DEFB112: variants seen among roughly 807,000 people sequenced by gnomAD.
DEFB112 encodes beta-defensin 112.
DEFB112 carries 2 observed loss-of-function variants against 1.1 expected under a neutral mutation model. That is an observed-to-expected ratio of 1.85 (90% CI 0.76 to 5.83). DEFB112 has a LOEUF of 5.83. Among genes scored for constraint, DEFB112 ranks in the 30% most tolerant of loss-of-function variants. The probability of loss-of-function intolerance (pLI) is 0.05; values close to 1 mark genes in which losing one functional copy is unlikely to be tolerated. For missense variants in DEFB112, 120 were observed against 94.4 expected (o/e 1.27, Z -1.12); for synonymous variants, 40 against 31.2 (o/e 1.28, Z -0.93).
intron 1 of DEFB112, among the ~76,000 whole-genome samples, chr6:50,049,031 A>G (rs923597147): frequency 6.6e-6 from 1 of 152,142 alleles, no homozygotes; most frequent in African/African-American, 2.4e-5. Context: ...AATTCTAATG[A>G]GCACACTTTA....
intron 1 of DEFB112, among the ~76,000 whole-genome samples, chr6:50,046,021 A>C (rs553233447): frequency 6.6e-6 from 1 of 152,114 alleles, no homozygotes. Context: ...TATATTCAAT[A>C]ATTTATTATA....
intron 1 of DEFB112, among the ~76,000 whole-genome samples, chr6:50,045,379 T>C (rs533932400): frequency 2.1e-3 from 318 of 152,246 alleles, no homozygotes; most frequent in Non-Finnish European, 4.0e-3. Context: ...TGCCACATCA[T>C]AACCCCCTCC....
At position 50,048,143 on chromosome 6, in the gene DEFB112, G is replaced by A. The variant is rs139998515; in HGVS notation, c.58+1669C>T. On this transcript the variant is annotated intron_variant, in intron 1 of 1. Transcript: ENST00000651554. ...GCCTGGGCAACAAGAGTGAAACTCC[G>A]TCTCAAAAAAAAAAAAATAAATATG... 5.7e-3 allele frequency among the ~76,000 whole-genome samples: 834 copies of A among 146,616 alleles called. 4 individuals are homozygous for A. The highest frequency in any genetic ancestry group is 0.021 in the African/African-American group (779 of 37,738).
In DEFB112 at chr6:50,043,056, GA is replaced by G. The variant is rs570094060; in HGVS notation, c.*518del. Among the ~76,000 whole-genome samples the G allele has an allele frequency of 1.7e-3, 251 of 151,184 alleles. 1 individual carries two copies. Among genetic ancestry groups the G allele is most frequent in the African/African-American group, 5.9e-3 (242 of 41,246 alleles). Reference sequence around the variant, plus strand: ...ATTCTACCTTTTGAGATTATTCTTGGAAAAAAAATCAGTTATTTTTATTTTC... The same window carrying G: ...ATTCTACCTTTTGAGATTATTCTTGGAAAAAAATCAGTTATTTTTATTTTC... On this transcript the variant is annotated 3_prime_UTR_variant, in exon 2 of 2. Coordinates refer to ENST00000651554, the MANE Select transcript of DEFB112 (RefSeq NM_001369057.2).
chr6:50,049,472 T>A (rs1432619988), intron 1 of DEFB112, among the ~76,000 whole-genome samples: 1 of 152,106 alleles, frequency 6.6e-6, no homozygotes, highest in Non-Finnish European at 1.5e-5. Flanking sequence ...TTTTTTCTAA[T>A]CTATTAATAG....
At chr6:50,048,469 T>C in intron 1 of DEFB112, 1 of 1,341,188 alleles carries the variant, frequency 7.5e-7, no homozygotes, top group Non-Finnish European at 1.1e-6. Flanking sequence ...CTCAGAATAT[T>C]TACTTCATTT....
rs143474470 is a variant in DEFB112 at position 50,046,991 on chromosome 6, G to A, written c.58+2821C>T. On this transcript the variant is annotated intron_variant, in intron 1 of 1. Transcript: ENST00000651554. Reference sequence around the variant, plus strand: ...CCACAGGTCCTTCCCTGATGACTATGGCTGTGGAGCTCACCTTGTTCTTGG... The same window carrying A: ...CCACAGGTCCTTCCCTGATGACTATAGCTGTGGAGCTCACCTTGTTCTTGG... 6.9e-3 allele frequency among the ~76,000 whole-genome samples: 1,058 copies of A among 152,312 alleles called. 20 individuals are homozygous for A. The highest frequency in any genetic ancestry group is 0.023 in the African/African-American group (975 of 41,582).
In DEFB112 at chr6:50,042,244, T is replaced by C. The variant is rs572499112; in HGVS notation, c.*1331A>G. Among the ~76,000 whole-genome samples the C allele has an allele frequency of 9.9e-5, 15 of 152,138 alleles. No homozygotes were observed. The highest frequency in any genetic ancestry group is 3.4e-4 in the African/African-American group (14 of 41,542). ...ATCACAAGATGCAAATAGGGTTATT[T>C]AGCTCCAAATTGACACTGGTCAGAG... On this transcript the variant is annotated 3_prime_UTR_variant, in exon 2 of 2. Transcript: ENST00000651554.
chr6:50,045,317 G>A (rs571684923), intron 1 of DEFB112, among the ~76,000 whole-genome samples: 4 of 152,012 alleles, frequency 2.6e-5, no homozygotes, highest in South Asian at 4.2e-4. Flanking sequence ...ATAGCCATGA[G>A]ATTACTACCT....
At chr6:50,045,040 G>A (rs549735784) in intron 1 of DEFB112, among the ~76,000 whole-genome samples, 3 of 152,120 alleles carry the variant, frequency 2.0e-5, no homozygotes, top group East Asian at 3.9e-4. Flanking sequence ...TTGCAGTGAT[G>A]TGTACTCAGT....
chr6:50,047,475 C>T (rs771447356), intron 1 of DEFB112, among the ~76,000 whole-genome samples: 3 of 152,176 alleles, frequency 2.0e-5, no homozygotes, highest in Non-Finnish European at 2.9e-5. Context: ...ATCTTTCCTA[C>T]CCTCTTTAAT....
intron 1 of DEFB112, among the ~76,000 whole-genome samples, chr6:50,048,002 C>T (rs1037520003): frequency 3.3e-5 from 5 of 151,830 alleles, no homozygotes; most frequent in African/African-American, 1.2e-4. Flanking sequence ...AAAAAATTAG[C>T]GGGGCGTGGT....
intron 1 of DEFB112, among the ~76,000 whole-genome samples, chr6:50,049,066 T>G (rs987728573): frequency 6.6e-6 from 1 of 152,146 alleles, no homozygotes; most frequent in South Asian, 2.1e-4. Flanking sequence ...AGAAGAAAAA[T>G]TATTATCTGA....
At chr6:50,047,995 A>T (rs1269183778) in intron 1 of DEFB112, among the ~76,000 whole-genome samples, 3 of 151,854 alleles carry the variant, frequency 2.0e-5, no homozygotes, top group Admixed American at 2.0e-4. Flanking sequence ...AAAATACAAA[A>T]AATTAGCGGG....
intron 1 of DEFB112, among the ~76,000 whole-genome samples, chr6:50,045,445 T>C (rs1244357099): frequency 6.6e-6 from 1 of 152,146 alleles, no homozygotes; most frequent in Non-Finnish European, 1.5e-5. Flanking sequence ...CTTACTTTGC[T>C]TTATATTAAT....
intron 1 of DEFB112, among the ~76,000 whole-genome samples, chr6:50,047,385 C>T (rs1774852349): frequency 6.6e-6 from 1 of 152,198 alleles, no homozygotes; most frequent in South Asian, 2.1e-4. Flanking sequence ...ATTTCCCTCT[C>T]TTTCCTTCAC....
rs1774877268 is a variant in DEFB112, at chr6:50,048,633, T to C, written c.58+1179A>G. ...ATTTTTTCAAGTTTCAGTCTACATA[T>C]GGTTGTCAATAATTTCATAAGAGTG... On this transcript the variant is annotated intron_variant, in intron 1 of 1. Transcript: ENST00000651554. The C allele has an allele frequency of 3.7e-6, 6 of 1,612,484 alleles. No individual in the cohort carries two copies. In the East Asian group the frequency reaches 1.1e-4, roughly 30 times the overall value.
intron 1 of DEFB112, among the ~76,000 whole-genome samples, chr6:50,044,270 C>T (rs1389460491): frequency 3.9e-5 from 6 of 152,010 alleles, no homozygotes. Flanking sequence ...ATCTCATCTC[C>T]TCTTGGATTT....
rs147415656 is a variant in DEFB112 at position 50,042,269 on chromosome 6, G to C, written c.*1306C>G. Among the ~76,000 whole-genome samples the C allele has an allele frequency of 1.3e-5, 2 of 151,970 alleles. No individual in the cohort carries two copies. Among genetic ancestry groups the C allele is most frequent in the East Asian group, 1.9e-4 (1 of 5,190 alleles). On this transcript the variant is annotated 3_prime_UTR_variant, in exon 2 of 2. Coordinates refer to ENST00000651554, the MANE Select transcript of DEFB112 (RefSeq NM_001369057.2). ...TAGCTCCAAATTGACACTGGTCAGA[G>C]AGCATAGTATTATACATATCAGGAA...
Sources: gnomAD v4.1 joint callset for allele counts (sites outside exome capture counted in the v4.1 genomes callset) on GRCh38, gnomAD v4.1.1 for gene constraint, MANE v1.5 for transcripts, NCBI Gene and HGNC (gene_info 2026-07-23, HGNC 2026-07-21) for gene names.